Variants in NOX3 observed in about 807,000 individuals in gnomAD.
NOX3 encodes NADPH oxidase 3.
A neutral mutation model predicts 76.7 loss-of-function variants in NOX3; 74 were observed. The observed-to-expected ratio is 0.96, with a 90% CI of 0.80 to 1.17. The LOEUF is 1.17. NOX3 is among the 50% of genes most tolerant of loss of function. The probability of loss-of-function intolerance (pLI) is 0.00; values close to 1 mark genes in which losing one functional copy is unlikely to be tolerated. For missense variants in NOX3, 695 were observed against 703.3 expected, an observed-to-expected ratio of 0.99 and a Z score of 0.13; for synonymous variants, 263 against 261.1, an observed-to-expected ratio of 1.01 and a Z score of -0.07.
intron 5 of NOX3, among the ~76,000 whole-genome samples, chr6:155,442,219 G>A (rs560139388): frequency 3.9e-5 from 6 of 152,078 alleles, no homozygotes; most frequent in African/African-American, 1.4e-4. Context: ...AGCCGTGATC[G>A]CACCACTGCA....
At chr6:155,444,412 G>A (rs538774394) in intron 4 of NOX3, among the ~76,000 whole-genome samples, 6 of 152,304 alleles carry the variant, frequency 3.9e-5, no homozygotes, top group Admixed American at 6.5e-5. Flanking sequence ...GTGTTTGTGT[G>A]CGAGTCATCC....
intron 12 of NOX3, among the ~76,000 whole-genome samples, chr6:155,399,635 C>T (rs1779196127): frequency 1.3e-5 from 2 of 152,092 alleles, no homozygotes; most frequent in South Asian, 4.1e-4. Flanking sequence ...ATTTGTGACT[C>T]CAAGTATGGA....
rs150142178 is a variant in NOX3 at position 155,414,801 on chromosome 6, A to G, written c.1309-3441T>C. 2.1e-3 allele frequency among the ~76,000 whole-genome samples: 319 copies of G among 151,382 alleles called. 3 individuals carry two copies. The highest frequency in any genetic ancestry group is 7.0e-3 in the African/African-American group (289 of 41,314). ...TGCCACCATGCACGACGAAGTTTTT[A>G]TTTTTTAGTAGAGATGGGATTTCAC... On this transcript the variant is annotated intron_variant, in intron 10 of 13. Transcript: ENST00000159060.
chr6:155,447,749 G>T (rs1200140762), intron 4 of NOX3, among the ~76,000 whole-genome samples: 2 of 152,132 alleles, frequency 1.3e-5, no homozygotes, highest in Non-Finnish European at 1.5e-5. Context: ...TGCTTATGCC[G>T]ATTTTGTTTG....
Position 155,455,036 on chromosome 6 carries a change from C to T in NOX3, c.142G>A (p.Gly48Ser), listed in dbSNP as rs758666282. Reference protein sequence around the residue: ...ESFHYTRVILGSTLAWARASA... With the variant: ...ESFHYTRVILSSTLAWARASA... The stretch of plus-strand genomic sequence containing the variant: ...GTTTAATCATAAACTGTACTTACAC[C>T]CAAAATAACTCGTGTGTAATGGAAA... Residue 48 changes from glycine to serine, a missense_variant and splice_region_variant, in exon 2 of 14, where the codon GGT becomes AGT. Coordinates refer to ENST00000159060, the MANE Select transcript of NOX3 (RefSeq NM_015718.3). 1 of 1,605,170 alleles carries T rather than the reference C, an allele frequency of 6.2e-7. No individual in the cohort carries two copies. The highest frequency in any genetic ancestry group is 1.1e-5 in the South Asian group (1 of 90,592).
chr6:155,401,474 T>C (rs1490856302), intron 12 of NOX3, among the ~76,000 whole-genome samples: 2 of 152,218 alleles, frequency 1.3e-5, no homozygotes, highest in African/African-American at 2.4e-5. Flanking sequence ...ATAATCAGAA[T>C]GCTAATTTCT....
rs1258398717 is a variant in NOX3, at chr6:155,407,263, A to G, written c.1456-9T>C. The stretch of plus-strand genomic sequence containing the variant: ...AAAGCTATGTGAAGAGCCTAAAGTA[A>G]ATTTGTGGCATTAGATGACATTTAG... On this transcript the variant is annotated splice_polypyrimidine_tract_variant and intron_variant, in intron 11 of 13. Transcript: ENST00000159060. 3.1e-6 allele frequency: 5 copies of G among 1,607,202 alleles called. No homozygotes were observed. Among genetic ancestry groups the G allele is most frequent in the Non-Finnish European group, 4.2e-6 (5 of 1,176,638 alleles).
intron 12 of NOX3, among the ~76,000 whole-genome samples, chr6:155,404,281 T>C (rs1005863702): frequency 6.6e-6 from 1 of 151,970 alleles, no homozygotes; most frequent in Non-Finnish European, 1.5e-5. Context: ...GTGAGGTGGG[T>C]GTGGTGACTT....
chr6:155,444,289 C>T (rs1247229323), intron 4 of NOX3, among the ~76,000 whole-genome samples: 2 of 152,212 alleles, frequency 1.3e-5, no homozygotes, highest in Admixed American at 1.3e-4. Context: ...TTCTGAGTAG[C>T]ATGATGAAAT....
intron 5 of NOX3, among the ~76,000 whole-genome samples, chr6:155,440,971 C>G (rs1329981866): frequency 6.6e-6 from 1 of 152,162 alleles, no homozygotes; most frequent in Non-Finnish European, 1.5e-5. Flanking sequence ...TTCTTTCACG[C>G]CATCTCCGGG....
rs751524039 is a variant in NOX3, at chr6:155,422,809, T to C, written c.1193A>G (p.His398Arg). ...GGCAACGCACACACACACTGGGTAG[T>C]GAAATACATCTGTCAGGGCAGTTCC... is the stretch of plus-strand genomic sequence containing the variant. ...PFGTALTDVFHYPVCVCVAAG... is the reference protein window; with the variant it reads ...PFGTALTDVFRYPVCVCVAAG... Residue 398 changes from histidine to arginine, a missense_variant, in exon 10 of 14, where the codon CAC becomes CGC. Coordinates refer to ENST00000159060, the MANE Select transcript of NOX3 (RefSeq NM_015718.3). 1 of 1,614,050 alleles carries C rather than the reference T, an allele frequency of 6.2e-7. No homozygotes were observed. The highest frequency in any genetic ancestry group is 8.5e-7 in the Non-Finnish European group (1 of 1,180,026).
intron 12 of NOX3, among the ~76,000 whole-genome samples, chr6:155,399,730 CT>C (rs66977431): frequency 0.24 from 35,734 of 147,632 alleles, 4,766 homozygotes; most frequent in African/African-American, 0.37. Context: ...GGCAGCTTCC[CT>C]TTTTTTTTTT....
intron 4 of NOX3, among the ~76,000 whole-genome samples, chr6:155,450,225 C>T (rs1279357693): frequency 6.6e-6 from 1 of 152,196 alleles, no homozygotes; most frequent in African/African-American, 2.4e-5. Context: ...GGAGAGAACA[C>T]TTGATTGTCT....
At chr6:155,445,923 A>G (rs184446602) in intron 4 of NOX3, among the ~76,000 whole-genome samples, 56 of 121,916 alleles carry the variant, frequency 4.6e-4, no homozygotes, top group African/African-American at 1.7e-3. Context: ...ATAGATATAT[A>G]ATATATATGC....
intron 8 of NOX3, among the ~76,000 whole-genome samples, chr6:155,430,465 T>A (rs538536524): frequency 1.3e-5 from 2 of 152,054 alleles, no homozygotes; most frequent in African/African-American, 4.8e-5. Flanking sequence ...TTGAAAATGT[T>A]ATTTGTTTGC....
chr6:155,442,009 A>C (rs754720761), intron 5 of NOX3, among the ~76,000 whole-genome samples: 3 of 152,198 alleles, frequency 2.0e-5, no homozygotes, highest in Admixed American at 1.3e-4. Context: ...TCACGCCTGT[A>C]ATCCCAGCAC....
At chr6:155,438,524 C>T (rs779074913) in intron 6 of NOX3, among the ~76,000 whole-genome samples, 10 of 152,174 alleles carry the variant, frequency 6.6e-5, no homozygotes, top group Non-Finnish European at 1.3e-4. Context: ...TGAGGGACCA[C>T]GGGAGAAGTC....
intron 9 of NOX3, among the ~76,000 whole-genome samples, chr6:155,425,073 G>A (rs975902116): frequency 6.6e-6 from 1 of 152,132 alleles, no homozygotes; most frequent in Non-Finnish European, 1.5e-5. Flanking sequence ...GTTAAACTGC[G>A]GGGCACCTTG....
intron 11 of NOX3, among the ~76,000 whole-genome samples, chr6:155,410,591 T>C (rs1030330141): frequency 6.6e-6 from 1 of 152,220 alleles, no homozygotes; most frequent in Non-Finnish European, 1.5e-5. Flanking sequence ...GTATACATTA[T>C]TTTTGGTAAA....
Sources: allele counts gnomAD v4.1 joint callset (sites outside exome capture counted in the v4.1 genomes callset), GRCh38; gene constraint gnomAD v4.1.1; transcripts MANE v1.5; gene names NCBI Gene and HGNC (gene_info 2026-07-23, HGNC 2026-07-21).